Variants in CALB2 observed in about 807,000 individuals in gnomAD.
CALB2 encodes calretinin.
CALB2 carries 34 observed loss-of-function variants against 45.9 expected under a neutral mutation model. That is an observed-to-expected ratio of 0.74 (90% confidence interval 0.56 to 0.99). The LOEUF (loss-of-function observed/expected upper bound fraction) is 0.99. Among genes scored for constraint, CALB2 ranks in the 50% least tolerant of loss-of-function variants. The pLI, the probability that CALB2 is intolerant of heterozygous loss-of-function variation, is 0.00. For synonymous variants in CALB2, 142 were observed against 129.6 expected (o/e 1.10, Z -0.65); for missense variants, 344 against 339.3 (o/e 1.01, Z -0.11).
intron 2 of CALB2, among the ~76,000 whole-genome samples, chr16:71,372,972 G>T (rs1306483157): frequency 1.3e-5 from 2 of 152,192 alleles, no homozygotes; most frequent in Non-Finnish European, 1.5e-5. Context: ...TTCTGAGCCT[G>T]CCCAAAGTGA....
In CALB2 at chr16:71,388,997, C is replaced by CAA. The variant is rs146702342; in HGVS notation, c.700-733_700-732dup. Among the ~76,000 whole-genome samples the CAA allele has an allele frequency of 9.9e-5, 6 of 60,684 alleles. No individual in the cohort carries two copies. The East Asian group carries it at 1.8e-3, about 18-fold the overall frequency. 39.8% of individuals were successfully genotyped at this position (60,684 alleles called of 152,430 possible). A position where few individuals can be genotyped will look rare whatever the true frequency, so the allele number is the denominator to read the frequency against. On this transcript the variant is annotated intron_variant, in intron 10 of 10. Transcript: ENST00000302628. Reference sequence around the variant, plus strand: ...TGGGCCACAGAGCAAGACTCCATCTCAAAAAAAAAAAAAAAAAAAAGCAGA... The same window carrying CAA: ...TGGGCCACAGAGCAAGACTCCATCTCAAAAAAAAAAAAAAAAAAAAAAGCAGA...
intron 4 of CALB2, among the ~76,000 whole-genome samples, chr16:71,378,737 T>G (rs1394054196): frequency 6.6e-6 from 1 of 152,110 alleles, no homozygotes; most frequent in Non-Finnish European, 1.5e-5. Flanking sequence ...TTGTGGTCAT[T>G]TGCATATCAC....
chr16:71,371,257 T>A (rs1477876502), intron 1 of CALB2, among the ~76,000 whole-genome samples: 4 of 152,166 alleles, frequency 2.6e-5, no homozygotes, highest in Non-Finnish European at 5.9e-5. Flanking sequence ...ATGCCTCTCC[T>A]ACCCTTGATC....
chr16:71,382,600 A>G, intron 4 of CALB2, 119 bp from the exon 5 acceptor site: 1 of 916,700 alleles, frequency 1.1e-6, no homozygotes, highest in Non-Finnish European at 1.7e-6. Flanking sequence ...CCATGTCTCC[A>G]TCCCATTCCG....
At chr16:71,372,690 C>G (rs1383730924) in intron 2 of CALB2, among the ~76,000 whole-genome samples, 3 of 151,898 alleles carry the variant, frequency 2.0e-5, no homozygotes, top group Non-Finnish European at 4.4e-5. Context: ...GCCCTGTGCG[C>G]TGTAGGAGAC....
intron 1 of CALB2, among the ~76,000 whole-genome samples, chr16:71,365,652 A>C (rs1166950730): frequency 6.6e-6 from 1 of 152,076 alleles, no homozygotes; most frequent in Non-Finnish European, 1.5e-5. Context: ...CATTCCTAAC[A>C]AGCACCCAGG....
intron 3 of CALB2, 25 bp downstream of exon 3, chr16:71,374,859 A>T (rs748741756): frequency 1.6e-5 from 24 of 1,537,696 alleles, no homozygotes; most frequent in Non-Finnish European, 2.2e-5. Flanking sequence ...GCTGGTAAAG[A>T]GCTGTGTGGG....
Position 71,389,969 on chromosome 16 carries a change from AC to A in CALB2, c.*105del. 1.4e-6 allele frequency: 1 copy of A among 719,424 alleles called. No homozygotes were observed. Among genetic ancestry groups the A allele is most frequent in the Non-Finnish European group, 2.5e-6 (1 of 406,230 alleles). The allele number at this position is 719,424 out of a possible 1,614,324, so 44.6% of individuals were successfully genotyped here. On this transcript the variant is annotated 3_prime_UTR_variant, in exon 11 of 11. Transcript: ENST00000302628. ...CCGTGAGCGCCCCGCCCCCACCCCT[AC>A]AGCCTGCACACACCTGCCTGCAGAG...
chr16:71,385,345 C>G, intron 9 of CALB2: 1 of 465,632 alleles, frequency 2.1e-6, no homozygotes, highest in Non-Finnish European at 3.8e-6. Flanking sequence ...AAATTTTCAA[C>G]GCACATGAAA....
At chr16:71,380,629 T>C (rs1211092132) in intron 4 of CALB2, among the ~76,000 whole-genome samples, 2 of 152,024 alleles carry the variant, frequency 1.3e-5, no homozygotes, top group Non-Finnish European at 2.9e-5. Context: ...TATTCTTACA[T>C]GTATTTGTCC....
intron 1 of CALB2, among the ~76,000 whole-genome samples, chr16:71,370,036 G>A (rs899170651): frequency 6.6e-6 from 1 of 152,080 alleles, no homozygotes; most frequent in African/African-American, 2.4e-5. Context: ...AAACATCCTA[G>A]AAGGAAGATA....
At chr16:71,386,706 A>C (rs2042575064) in intron 10 of CALB2, among the ~76,000 whole-genome samples, 2 of 152,160 alleles carry the variant, frequency 1.3e-5, no homozygotes, top group Admixed American at 1.3e-4. Flanking sequence ...TAGACAATGA[A>C]AGCTCTACAA....
intron 1 of CALB2, among the ~76,000 whole-genome samples, chr16:71,367,380 C>A (rs2042299761): frequency 6.6e-6 from 1 of 152,188 alleles, no homozygotes; most frequent in Non-Finnish European, 1.5e-5. Context: ...GTCATAGAAA[C>A]ATCAGACCAT....
chr16:71,375,453 C>G (rs1382240096), intron 3 of CALB2, among the ~76,000 whole-genome samples: 1 of 152,106 alleles, frequency 6.6e-6, no homozygotes, highest in Non-Finnish European at 1.5e-5. Flanking sequence ...TGTCTGTAAT[C>G]CCAGCACTTT....
At chr16:71,387,417 C>A (rs1200055776) in intron 10 of CALB2, among the ~76,000 whole-genome samples, 1 of 151,590 alleles carries the variant, frequency 6.6e-6, no homozygotes, top group Admixed American at 6.6e-5. Context: ...AAAGAGAGAG[C>A]CGCGTGACTC....
intron 4 of CALB2, among the ~76,000 whole-genome samples, chr16:71,382,059 A>AGGAGGAGG (rs2042500464): frequency 7.3e-5 from 4 of 54,692 alleles, no homozygotes; most frequent in South Asian, 9.3e-4. Context: ...GGAGGAGGAG[A>AGGAGGAGG]GGGGGAGGGG....
chr16:71,377,646 T>G (rs775116406), intron 3 of CALB2, 21 bp from the exon 4 acceptor site: 85 of 1,587,762 alleles, frequency 5.4e-5, no homozygotes, highest in Non-Finnish European at 6.8e-5. Context: ...AACGTTAGTG[T>G]CGCTCTCTGT....
chr16:71,381,859 TAAA>T (rs1030718572), intron 4 of CALB2, among the ~76,000 whole-genome samples: 7 of 151,612 alleles, frequency 4.6e-5, no homozygotes, highest in African/African-American at 1.7e-4. Context: ...TACAAAAAAA[TAAA>T]AAATTAGTTG....
chr16:71,382,104 G>A (rs1598173070), intron 4 of CALB2, among the ~76,000 whole-genome samples: 1 of 106,088 alleles, frequency 9.4e-6, no homozygotes, highest in Non-Finnish European at 1.9e-5. Context: ...AAGGAAGGAA[G>A]GAAGGGAAGA....
Sources: gnomAD v4.1 joint callset for allele counts (sites outside exome capture counted in the v4.1 genomes callset) on GRCh38, gnomAD v4.1.1 for gene constraint, MANE v1.5 for transcripts, NCBI Gene and HGNC (gene_info 2026-07-23, HGNC 2026-07-21) for gene names.